MSMO1: variants seen among roughly 807,000 people sequenced by gnomAD.
MSMO1 encodes the protein C-4 methylsterol oxidase.
A neutral mutation model predicts 30.4 loss-of-function variants in MSMO1; 18 were observed. That is an observed-to-expected ratio of 0.59 (90% CI 0.41 to 0.88). MSMO1 has a LOEUF of 0.88. Among genes scored for constraint, MSMO1 ranks in the 40% least tolerant of loss-of-function variants. The pLI is 0.00. For synonymous variants in MSMO1, 84 were observed against 107.9 expected, an observed-to-expected ratio of 0.78 and a Z score of 1.37; for missense variants, 284 against 340.5, an observed-to-expected ratio of 0.83 and a Z score of 1.31.
chr4:165,330,066 A>G lies in MSMO1; in HGVS notation c.-32+2302A>G, dbSNP rs542529165. Among the ~76,000 whole-genome samples, 29 of 152,340 alleles carry G rather than the reference A, an allele frequency of 1.9e-4. No homozygotes were observed. In the South Asian group the frequency reaches 6.0e-3, roughly 32 times the overall value. On this transcript the variant is annotated intron_variant, in intron 1 of 5. Transcript: ENST00000261507. ...GAATACCTTTTCATAGAGCTTAGGT[A>G]AACTGTAGGAATTATTCTCCTTGTA... is the stretch of plus-strand genomic sequence containing the variant.
chr4:165,338,793 T>A lies in MSMO1; in HGVS notation c.531+15T>A. On this transcript the variant is annotated intron_variant, in intron 4 of 5. Transcript: ENST00000261507. ...ATGAGTTTCAGGTATGTGAGAGTTA[T>A]ATTTAATTCTTTCTGTTAGAGGCAA... is the stretch of plus-strand genomic sequence containing the variant. 1 of 1,567,826 alleles carries A rather than the reference T, an allele frequency of 6.4e-7. No individual in the cohort carries two copies. Among genetic ancestry groups the A allele is most frequent in the East Asian group, 2.2e-5 (1 of 44,518 alleles).
intron 2 of MSMO1, among the ~76,000 whole-genome samples, chr4:165,334,126 A>C (rs186636863): frequency 1.3e-5 from 2 of 152,340 alleles, no homozygotes; most frequent in East Asian, 3.9e-4. Context: ...TTCAATCAGT[A>C]ATCAAATTCT....
chr4:165,331,763 G>A (rs1262847832), intron 1 of MSMO1, among the ~76,000 whole-genome samples: 2 of 152,176 alleles, frequency 1.3e-5, no homozygotes, highest in African/African-American at 4.8e-5. Flanking sequence ...CAGCAGTGGT[G>A]AACATTTTTA....
intron 1 of MSMO1, among the ~76,000 whole-genome samples, chr4:165,328,827 A>C (rs1747308637): frequency 6.6e-6 from 1 of 152,244 alleles, no homozygotes; most frequent in Admixed American, 6.5e-5. Flanking sequence ...AAGTGTTTCT[A>C]AATTGGGTAA....
intron 4 of MSMO1, 24 bp downstream of exon 4, chr4:165,338,802 C>CT: frequency 1.9e-6 from 3 of 1,559,910 alleles, no homozygotes; most frequent in Non-Finnish European, 2.6e-6. Flanking sequence ...ATATTTAATT[C>CT]TTTCTGTTAG....
intron 5 of MSMO1, 152 bp downstream of exon 5, chr4:165,340,527 A>G: frequency 1.4e-6 from 1 of 697,258 alleles, no homozygotes; most frequent in Non-Finnish European, 2.4e-6. Flanking sequence ...AAAAGTTTAA[A>G]TAATAGATGT....
intron 2 of MSMO1, among the ~76,000 whole-genome samples, chr4:165,335,975 G>C (rs552292572): frequency 6.6e-6 from 1 of 152,320 alleles, no homozygotes; most frequent in African/African-American, 2.4e-5. Flanking sequence ...TTCGAAGGCA[G>C]ATACCCTGAT....
chr4:165,341,699 A>T (rs1747718634), intron 5 of MSMO1, 52 bp from the exon 6 acceptor site: 3 of 1,483,096 alleles, frequency 2.0e-6, no homozygotes, highest in Non-Finnish European at 9.4e-7. Flanking sequence ...TAAAAACAAC[A>T]ATCATTTGAG....
intron 4 of MSMO1, among the ~76,000 whole-genome samples, 166 bp from the exon 5 acceptor site, chr4:165,340,055 C>G (rs977510248): frequency 1.3e-5 from 2 of 152,214 alleles, no homozygotes; most frequent in Non-Finnish European, 1.5e-5. Context: ...CACCTTTACT[C>G]AGTCTACTGA....
intron 5 of MSMO1, 105 bp from the exon 6 acceptor site, chr4:165,341,646 G>A (rs1339889066): frequency 2.0e-6 from 2 of 1,001,032 alleles, no homozygotes; most frequent in Admixed American, 3.9e-5. Flanking sequence ...TAGGCAAAGT[G>A]GCATGTTATC....
chr4:165,341,898 T>C lies in MSMO1; in HGVS notation c.834T>C (p.Tyr278=), dbSNP rs1747726169. Residue 278 remains tyrosine (Y), a synonymous_variant, in exon 6 of 6, where the codon TAT becomes TAC. Transcript: ENST00000261507. ...WDRIFGTDSQ[Y]NAYNEKRKKF... ...GAATTTTTGGAACAGACTCTCAGTA[T>C]AATGCCTATAATGAAAAGAGGAAGA... 1 of 1,612,922 alleles carries C rather than the reference T, an allele frequency of 6.2e-7. No homozygotes were observed. Among genetic ancestry groups the C allele is most frequent in the Non-Finnish European group, 8.5e-7 (1 of 1,179,250 alleles).
Position 165,338,761 on chromosome 4 carries a change from G to A in MSMO1, c.514G>A (p.Val172Ile), listed in dbSNP as rs1478591868. Reference sequence around the variant, plus strand: ...AAGAATATACAAGTATATTCATAAAGTTCATCATGAGTTTCAGGTATGTGA... The same window carrying A: ...AAGAATATACAAGTATATTCATAAAATTCATCATGAGTTTCAGGTATGTGA... ...HKRIYKYIHKVHHEFQAPFGM... is the reference protein window; with the variant it reads ...HKRIYKYIHKIHHEFQAPFGM... Residue 172 changes from valine (V) to isoleucine (I), a missense_variant, in exon 4 of 6, where the codon GTT (valine) becomes ATT (isoleucine). Coordinates refer to ENST00000261507, the MANE Select transcript of MSMO1 (RefSeq NM_006745.5). 10 of 1,591,042 alleles carry A rather than the reference G, an allele frequency of 6.3e-6. No individual in the cohort carries two copies. The highest frequency in any genetic ancestry group is 1.3e-5 in the African/African-American group (1 of 74,344).
chr4:165,342,423 G>C lies in MSMO1; in HGVS notation c.*477G>C, dbSNP rs1401769402. On this transcript the variant is annotated 3_prime_UTR_variant, in exon 6 of 6. Coordinates refer to ENST00000261507, the MANE Select transcript of MSMO1 (RefSeq NM_006745.5). Reference sequence around the variant, plus strand: ...TCCTTGGCTGGAGTGTGGTGGCACAGTCTCAGCTCACTGCAACCTCTGCCT... The same window carrying C: ...TCCTTGGCTGGAGTGTGGTGGCACACTCTCAGCTCACTGCAACCTCTGCCT... 1 of 152,640 alleles carries C rather than the reference G, an allele frequency of 6.6e-6. No homozygotes were observed. Among genetic ancestry groups the C allele is most frequent in the Non-Finnish European group, 1.5e-5 (1 of 68,648 alleles). 9.5% of individuals were successfully genotyped at this position (152,640 alleles called of 1,614,324 possible). A position where few individuals can be genotyped will look rare whatever the true frequency, so the allele number is the denominator to read the frequency against.
intron 2 of MSMO1, among the ~76,000 whole-genome samples, chr4:165,336,527 T>C (rs1285898078): frequency 1.3e-5 from 2 of 152,220 alleles, no homozygotes; most frequent in African/African-American, 4.8e-5. Flanking sequence ...GATATCCCAG[T>C]CTACCTGGAA....
At chr4:165,331,929 C>T (rs185263593) in intron 1 of MSMO1, among the ~76,000 whole-genome samples, 25 of 148,278 alleles carry the variant, frequency 1.7e-4, no homozygotes, top group African/African-American at 6.3e-4. Flanking sequence ...TCCTACCCCG[C>T]CGCGCTCTGT....
At chr4:165,327,840 C>G (rs544086594) in intron 1 of MSMO1, 76 bp downstream of exon 1, 1 of 152,254 alleles carries the variant, frequency 6.6e-6, no homozygotes, top group Non-Finnish European at 1.5e-5. Context: ...TCCGTGAGAT[C>G]GAGGGGAGCG....
chr4:165,338,979 G>A (rs1478861400), intron 4 of MSMO1, among the ~76,000 whole-genome samples: 3 of 150,732 alleles, frequency 2.0e-5, no homozygotes, highest in Non-Finnish European at 4.4e-5. Context: ...ATTGAGATCT[G>A]AAAGAAAAAT....
intron 1 of MSMO1, among the ~76,000 whole-genome samples, chr4:165,331,068 C>T (rs1747375191): frequency 6.6e-6 from 1 of 152,040 alleles, no homozygotes. Flanking sequence ...CTTTGGGAGG[C>T]TGAGATGGGA....
At chr4:165,329,957 AAGTTC>A (rs957630363) in intron 1 of MSMO1, among the ~76,000 whole-genome samples, 3 of 152,170 alleles carry the variant, frequency 2.0e-5, no homozygotes, top group Non-Finnish European at 2.9e-5. Flanking sequence ...TAGTAAGAGT[AAGTTC>A]AGTGCAGTGA....
Sources: allele counts gnomAD v4.1 joint callset (sites outside exome capture counted in the v4.1 genomes callset), GRCh38; gene constraint gnomAD v4.1.1; transcripts MANE v1.5; gene names NCBI Gene and HGNC (gene_info 2026-07-23, HGNC 2026-07-21).